The following SPACA7 variants were observed in gnomAD, a reference collection of about 807,000 sequenced individuals.
SPACA7 encodes the protein sperm acrosome-associated protein 7.
SPACA7 carries 19 observed loss-of-function variants against 26.3 expected under a neutral mutation model. The ratio of observed to expected loss-of-function variants is 0.72; its 90% CI spans 0.50 to 1.06. The LOEUF (loss-of-function observed/expected upper bound fraction) is 1.06, where lower values mean the gene tolerates loss of function less well. Ranked by LOEUF, SPACA7 falls within the 50% of genes least tolerant of loss-of-function variation. SPACA7 has a pLI of 0.00. For missense variants in SPACA7, 211 were observed against 229.9 expected (o/e 0.92, Z 0.53); for synonymous variants, 84 against 84.5 (o/e 0.99, Z 0.04).
intron 1 of SPACA7, among the ~76,000 whole-genome samples, chr13:112,380,425 A>C (rs1475142878): frequency 6.6e-6 from 1 of 151,792 alleles, no homozygotes; most frequent in Admixed American, 6.6e-5. Context: ...AAAAAAAAAA[A>C]AACCAGACCA....
At chr13:112,407,076 C>T (rs1290699678) in intron 5 of SPACA7, among the ~76,000 whole-genome samples, 3 of 152,222 alleles carry the variant, frequency 2.0e-5, no homozygotes, top group Non-Finnish European at 4.4e-5. Context: ...CTCAAAACCA[C>T]TCAACTACAT....
intron 1 of SPACA7, among the ~76,000 whole-genome samples, chr13:112,378,363 C>A (rs968271356): frequency 6.6e-6 from 1 of 152,140 alleles, no homozygotes; most frequent in Admixed American, 6.5e-5. Flanking sequence ...AAATATGGCT[C>A]TATGGTCACC....
At chr13:112,411,915 A>G (rs1186700968) in intron 5 of SPACA7, among the ~76,000 whole-genome samples, 1 of 152,078 alleles carries the variant, frequency 6.6e-6, no homozygotes, top group African/African-American at 2.4e-5. Flanking sequence ...GGGAGTGTAG[A>G]GATTTCTTTG....
chr13:112,386,302 T>G (rs1452686079), intron 1 of SPACA7, among the ~76,000 whole-genome samples: 1 of 152,216 alleles, frequency 6.6e-6, no homozygotes, highest in Non-Finnish European at 1.5e-5. Flanking sequence ...TAGCCACCCC[T>G]TAAAGTAGAT....
At chr13:112,377,826 C>G (rs1477603825) in intron 1 of SPACA7, among the ~76,000 whole-genome samples, 1 of 152,100 alleles carries the variant, frequency 6.6e-6, no homozygotes, top group Non-Finnish European at 1.5e-5. Flanking sequence ...AGGATGTGTG[C>G]TGGATGGTAC....
chr13:112,394,739 C>T (rs181861871), intron 2 of SPACA7, among the ~76,000 whole-genome samples: 1 of 152,178 alleles, frequency 6.6e-6, no homozygotes, highest in African/African-American at 2.4e-5. Flanking sequence ...GTGAAGCTGG[C>T]GGGTGCCAGA....
intron 1 of SPACA7, among the ~76,000 whole-genome samples, chr13:112,377,984 G>A (rs1364989427): frequency 6.6e-6 from 1 of 152,162 alleles, no homozygotes; most frequent in Non-Finnish European, 1.5e-5. Context: ...CAGCCGATGG[G>A]GCAAGGATGG....
At position 112,432,516 on chromosome 13, in the gene SPACA7, C is replaced by A. The variant is rs1555331185; in HGVS notation, c.518C>A (p.Ser173Tyr). Residue 173 changes from serine to tyrosine, a missense_variant, in exon 6 of 7, where the codon TCT becomes TAT. Transcript: ENST00000283550. Reference sequence around the variant, plus strand: ...CAAATCCTTCAAAATATTGGAAGATCTTCAGGTAGATTGGAAATAATAGAT... The same window carrying A: ...CAAATCCTTCAAAATATTGGAAGATATTCAGGTAGATTGGAAATAATAGAT... ...LDQILQNIGRSSGNIFHKEQQ... is the reference protein window; with the variant it reads ...LDQILQNIGRYSGNIFHKEQQ... 1 of 1,597,870 alleles carries A rather than the reference C, an allele frequency of 6.3e-7. No individual in the cohort carries two copies. The highest frequency in any genetic ancestry group is 1.1e-5 in the South Asian group (1 of 90,768).
intron 5 of SPACA7, among the ~76,000 whole-genome samples, chr13:112,431,410 C>G (rs1366072218): frequency 6.6e-6 from 1 of 152,156 alleles, no homozygotes; most frequent in Non-Finnish European, 1.5e-5. Context: ...ACTGACTGTG[C>G]CTAAACTTCA....
At chr13:112,382,944 G>C (rs918847412) in intron 1 of SPACA7, among the ~76,000 whole-genome samples, 8 of 151,378 alleles carry the variant, frequency 5.3e-5, no homozygotes, top group African/African-American at 1.7e-4. Context: ...AGCTGAGATC[G>C]AGCTATTGCA....
intron 2 of SPACA7, among the ~76,000 whole-genome samples, chr13:112,396,021 C>T (rs59181803): frequency 0.15 from 17,939 of 116,594 alleles, 2,271 homozygotes; most frequent in Middle Eastern, 0.24. Context: ...CTCGGCCCCC[C>T]GCCTCTCTTT....
chr13:112,432,994 T>C (rs1370488121), intron 6 of SPACA7, among the ~76,000 whole-genome samples: 1 of 152,180 alleles, frequency 6.6e-6, no homozygotes, highest in African/African-American at 2.4e-5. Flanking sequence ...ACTGTCCGCC[T>C]GCTAAGAGTT....
chr13:112,427,752 T>C (rs2139071073), intron 5 of SPACA7, among the ~76,000 whole-genome samples: 1 of 152,368 alleles, frequency 6.6e-6, no homozygotes, highest in South Asian at 2.1e-4. Context: ...GTGTATTTAT[T>C]TCTTCTTTAA....
At chr13:112,399,277 C>T (rs1184902286) in intron 4 of SPACA7, 104 bp downstream of exon 4, 1 of 728,254 alleles carries the variant, frequency 1.4e-6, no homozygotes, top group Non-Finnish European at 2.5e-6. Flanking sequence ...GAGGATAAAC[C>T]CTTGGTGGGA....
Position 112,385,793 on chromosome 13 carries a change from A to G in SPACA7, c.95-7228A>G, listed in dbSNP as rs543251847. ...TTCTACTTTTCTGACAAAACATTTG[A>G]TTTAAGTGCTTATTTTTTAAGTCAA... On this transcript the variant is annotated intron_variant, in intron 1 of 6. Coordinates refer to ENST00000283550, the MANE Select transcript of SPACA7 (RefSeq NM_145248.5). Among the ~76,000 whole-genome samples the G allele has an allele frequency of 1.2e-4, 18 of 152,348 alleles. No individual in the cohort carries two copies. In the East Asian group the frequency reaches 3.1e-3, roughly 26 times the overall value.
intron 5 of SPACA7, among the ~76,000 whole-genome samples, chr13:112,414,327 T>C (rs1886539856): frequency 6.6e-6 from 1 of 151,708 alleles, no homozygotes; most frequent in Non-Finnish European, 1.5e-5. Flanking sequence ...TTGTTATTAT[T>C]GTTATTATTT....
chr13:112,402,927 C>T (rs1343867667), intron 5 of SPACA7, among the ~76,000 whole-genome samples: 1 of 152,076 alleles, frequency 6.6e-6, no homozygotes, highest in Non-Finnish European at 1.5e-5. Context: ...CATCCAAATA[C>T]ACAAATGACT....
chr13:112,433,843 C>T (rs1877449164), intron 6 of SPACA7, among the ~76,000 whole-genome samples: 1 of 152,158 alleles, frequency 6.6e-6, no homozygotes, highest in South Asian at 2.1e-4. Context: ...AAGCTACGGC[C>T]AATATCCCAG....
At chr13:112,415,061 A>C (rs1283887597) in intron 5 of SPACA7, among the ~76,000 whole-genome samples, 4 of 152,206 alleles carry the variant, frequency 2.6e-5, no homozygotes, top group African/African-American at 9.6e-5. Flanking sequence ...GTTACACTGC[A>C]AATCTCTTGC....
Sources: gnomAD v4.1 joint callset for allele counts (sites outside exome capture counted in the v4.1 genomes callset) on GRCh38, gnomAD v4.1.1 for gene constraint, MANE v1.5 for transcripts, NCBI Gene and HGNC (gene_info 2026-07-23, HGNC 2026-07-21) for gene names.